The following PCDHGB2 variants were observed in gnomAD, a reference collection of about 807,000 sequenced individuals.
PCDHGB2 encodes protocadherin gamma-B2.
Under a neutral mutation model 59.3 loss-of-function variants are expected in PCDHGB2, and 55 were observed. The observed-to-expected ratio is 0.93, with a 90% CI of 0.75 to 1.16. The LOEUF is 1.16. Among genes scored for constraint, PCDHGB2 ranks in the 50% most tolerant of loss-of-function variants. The pLI, the probability that PCDHGB2 is intolerant of heterozygous loss-of-function variation, is 0.00. For synonymous variants in PCDHGB2, 516 were observed against 512.0 expected, an observed-to-expected ratio of 1.01 and a Z score of -0.11; for missense variants, 1,228 against 1,198.5, an observed-to-expected ratio of 1.02 and a Z score of -0.36.
chr5:141,390,103 A>G (rs757288667), intron 1 of PCDHGB2: 2 of 1,613,996 alleles, frequency 1.2e-6, no homozygotes, highest in South Asian at 1.1e-5. Flanking sequence ...GTTCCCCCCA[A>G]CTACAGCGAG....
Position 141,490,637 on chromosome 5 carries a change from A to C in PCDHGB2, c.2422-4170A>C. ...CTTTACACTGCTTACATCCTAGAAA[A>C]CCGGCCTCCGGGCTCCCTTCTTTGC... is the stretch of plus-strand genomic sequence containing the variant. On this transcript the variant is annotated intron_variant, in intron 1 of 3. Coordinates refer to ENST00000522605, the MANE Select transcript of PCDHGB2 (RefSeq NM_018923.3). This position sits in a 1 kb window ranked among gnomAD's most constrained non-coding sequence, Gnocchi z 5.4. 1 of 1,614,108 alleles carries C rather than the reference A, an allele frequency of 6.2e-7. No individual in the cohort carries two copies. Among genetic ancestry groups the C allele is most frequent in the Non-Finnish European group, 8.5e-7 (1 of 1,179,992 alleles).
chr5:141,407,371 T>C (rs2094921499), intron 1 of PCDHGB2, among the ~76,000 whole-genome samples: 1 of 152,222 alleles, frequency 6.6e-6, no homozygotes, highest in South Asian at 2.1e-4. Context: ...CAGATATCCA[T>C]GAAGGCTTGT....
Position 141,485,550 on chromosome 5 carries a change from TG to T in PCDHGB2, c.2422-9256del. On this transcript the variant is annotated intron_variant, in intron 1 of 3. Coordinates refer to ENST00000522605, the MANE Select transcript of PCDHGB2 (RefSeq NM_018923.3). The surrounding 1 kb of genome is among the most constrained non-coding windows in gnomAD (Gnocchi z 5.7). ...CGAGCAGAGGTAGAGATCGTAGATGTGAATGATCACGCCCCCCGTTTTCCGC... is the reference window on the plus strand; with the variant it reads ...CGAGCAGAGGTAGAGATCGTAGATGTAATGATCACGCCCCCCGTTTTCCGC... The T allele has an allele frequency of 6.2e-7, 1 of 1,613,820 alleles. No individual in the cohort carries two copies.
rs773303808 is a variant in PCDHGB2, at chr5:141,362,539, T to G, written c.2404T>G (p.Ser802Ala). 6 of 1,613,828 alleles carry G rather than the reference T, an allele frequency of 3.7e-6. No homozygotes were observed. The Admixed American group carries it at 1.0e-4, about 27-fold the overall frequency. ...NHGAAGVPFA[S>A]DTILKQAPPN... Reference sequence around the variant, plus strand: ...TGGAGCCGCTGGGGTCCCTTTTGCCTCAGATACTATTTTGAAGGTGAGCTT... The same window carrying G: ...TGGAGCCGCTGGGGTCCCTTTTGCCGCAGATACTATTTTGAAGGTGAGCTT... The change falls in exon 1 of 4, where the codon TCA becomes GCA. Residue 802 changes from serine to alanine, a missense_variant. Physicochemically the swap from Ser to Ala is moderately conservative, Grantham distance 99 (BLOSUM62 1). This residue lies in a region of PCDHGB2 where 433 missense variants were observed against 441.8 expected (regional missense o/e 0.98). Transcript: ENST00000522605.
At chr5:141,374,953 A>G (rs748125378) in intron 1 of PCDHGB2, 1 of 1,614,024 alleles carries the variant, frequency 6.2e-7, no homozygotes, top group Non-Finnish European at 8.5e-7. Context: ...AGATCTCACA[A>G]ATTTTCTGTT....
intron 1 of PCDHGB2, chr5:141,410,075 GAGGTGCGCAC>G: frequency 6.2e-7 from 1 of 1,612,898 alleles, no homozygotes; most frequent in East Asian, 2.2e-5. Context: ...GCGCACTGGG[GAGGTGCGCAC>G]GGCTCGAGCC....
At chr5:141,424,540 T>G (rs944656560) in intron 1 of PCDHGB2, 1 of 152,244 alleles carries the variant, frequency 6.6e-6, no homozygotes, top group Admixed American at 6.5e-5. Flanking sequence ...TAGAAATAAC[T>G]TGATTTTGAT....
chr5:141,487,162 G>T lies in PCDHGB2; in HGVS notation c.2422-7645G>T, dbSNP rs2099640627. 6.2e-7 allele frequency: 1 copy of T among 1,613,496 alleles called. No individual in the cohort carries two copies. Among genetic ancestry groups the T allele is most frequent in the African/African-American group, 1.3e-5 (1 of 75,026 alleles). On this transcript the variant is annotated intron_variant, in intron 1 of 3. Transcript: ENST00000522605. This position sits in a 1 kb window ranked among gnomAD's most constrained non-coding sequence, Gnocchi z 5.0. ...TCTCTACCTCTGTTACTCTCTTAGTGTCCTTAGAGGAAGACACTCATCCAG... is the reference window on the plus strand; with the variant it reads ...TCTCTACCTCTGTTACTCTCTTAGTTTCCTTAGAGGAAGACACTCATCCAG...
Position 141,415,174 on chromosome 5 carries a change from G to C in PCDHGB2, c.2421+52618G>C, listed in dbSNP as rs1368688199. ...CTCCGCCACTGTCACGCTCACCGTG[G>C]CCGTGGCCGACAGCATCCCCCAAGT... On this transcript the variant is annotated intron_variant, in intron 1 of 3. Transcript: ENST00000522605. 4 of 1,613,784 alleles carry C rather than the reference G, an allele frequency of 2.5e-6. No homozygotes were observed. The African/African-American group carries it at 4.0e-5, about 16-fold the overall frequency.
chr5:141,421,888 C>T (rs1387624358), intron 1 of PCDHGB2: 5 of 1,613,746 alleles, frequency 3.1e-6, no homozygotes. Flanking sequence ...TGGAGGCGAT[C>T]CCATCCGAAA....
At chr5:141,379,831 C>G (rs1242791393) in intron 1 of PCDHGB2, among the ~76,000 whole-genome samples, 1 of 142,262 alleles carries the variant, frequency 7.0e-6, no homozygotes, top group Non-Finnish European at 1.5e-5. Flanking sequence ...TTTGAAGCAT[C>G]AGGAAAAAAA....
chr5:141,478,736 T>C (rs2099474016), intron 1 of PCDHGB2: 1 of 1,534,678 alleles, frequency 6.5e-7, no homozygotes, highest in African/African-American at 1.4e-5. Flanking sequence ...GTGTGGTTTG[T>C]GGTCCCATTT....
chr5:141,422,410 T>C, intron 1 of PCDHGB2: 1 of 1,601,816 alleles, frequency 6.2e-7, no homozygotes, highest in Non-Finnish European at 8.5e-7. Context: ...GCCTTTTAAA[T>C]TAGAAAAGAC....
In PCDHGB2 at chr5:141,419,578, G is replaced by A. The variant is rs1339676992; in HGVS notation, c.2421+57022G>A. The A allele has an allele frequency of 1.9e-6, 3 of 1,611,604 alleles. No individual in the cohort carries two copies. In the Admixed American group the frequency reaches 5.0e-5, roughly 27 times the overall value. On this transcript the variant is annotated intron_variant, in intron 1 of 3. Transcript: ENST00000522605. ...CTGCGCTGGGTCCCGACGGCTCCGC[G>A]CTCTTCGACACAGTGCCGCGGGCCG...
chr5:141,395,748 GA>G (rs1300341557), intron 1 of PCDHGB2: 2 of 152,878 alleles, frequency 1.3e-5, no homozygotes, highest in African/African-American at 4.8e-5. Flanking sequence ...CCTCTTTTCT[GA>G]GCCCTGTTTC....
In PCDHGB2 at chr5:141,405,069, C is replaced by T. The variant is rs200974828; in HGVS notation, c.2421+42513C>T. On this transcript the variant is annotated intron_variant, in intron 1 of 3. Coordinates refer to ENST00000522605, the MANE Select transcript of PCDHGB2 (RefSeq NM_018923.3). ...GCAGTCGTCTCCTGTGTCTTCCTCA[C>T]CTTCGTTATCACGCTGCTGGCCCTC... is the stretch of plus-strand genomic sequence containing the variant. 1.3e-4 allele frequency: 215 copies of T among 1,613,758 alleles called. No individual in the cohort carries two copies. The highest frequency in any genetic ancestry group is 1.7e-4 in the Non-Finnish European group (203 of 1,179,762).
In PCDHGB2 at chr5:141,486,157, AG is replaced by A. The variant is rs1562110605; in HGVS notation, c.2422-8649del. 1 of 1,614,208 alleles carries A rather than the reference AG, an allele frequency of 6.2e-7. No homozygotes were observed. Among genetic ancestry groups the A allele is most frequent in the Admixed American group, 1.7e-5 (1 of 60,026 alleles). On this transcript the variant is annotated intron_variant, in intron 1 of 3. Coordinates refer to ENST00000522605, the MANE Select transcript of PCDHGB2 (RefSeq NM_018923.3). This position sits in a 1 kb window ranked among gnomAD's most constrained non-coding sequence, Gnocchi z 5.0. ...TGCGGGCTCGCGATGGGGGTTCTCC[AG>A]CCATGGAGCAACATTGCAGCCTTCG...
Position 141,367,146 on chromosome 5 carries a change from A to G in PCDHGB2, c.2421+4590A>G, listed in dbSNP as rs900796312. 2.4e-5 allele frequency: 4 copies of G among 168,774 alleles called. No individual in the cohort carries two copies. In the East Asian group the frequency reaches 5.2e-4, roughly 22 times the overall value. 10.5% of individuals were successfully genotyped at this position (168,774 alleles called of 1,614,324 possible). A position where few individuals can be genotyped will look rare whatever the true frequency, so the allele number is the denominator to read the frequency against. ...ATGTGTTTTGGAAAGGATAATGTAT[A>G]GGACTGATATTTTAGTCTACCTGAA... is the stretch of plus-strand genomic sequence containing the variant. On this transcript the variant is annotated intron_variant, in intron 1 of 3. Transcript: ENST00000522605.
intron 1 of PCDHGB2, among the ~76,000 whole-genome samples, chr5:141,494,496 T>A (rs147870810): frequency 2.9e-3 from 442 of 152,264 alleles, no homozygotes; most frequent in Non-Finnish European, 4.9e-3. Flanking sequence ...ATGCCTTCAG[T>A]CCTTGAATTT....
Sources: allele counts gnomAD v4.1 joint callset (sites outside exome capture counted in the v4.1 genomes callset), GRCh38; gene constraint gnomAD v4.1.1; regional missense constraint gnomAD v4.1.1; non-coding constraint Gnocchi (gnomAD v3.1); transcripts MANE v1.5; gene names NCBI Gene and HGNC (gene_info 2026-07-23, HGNC 2026-07-21).